The following ARMC9 variants were observed in gnomAD, a reference collection of about 807,000 sequenced individuals.
ARMC9 encodes armadillo repeat containing 9.
Under a neutral mutation model 107.0 loss-of-function variants are expected in ARMC9, and 94 were observed. The ratio of observed to expected loss-of-function variants is 0.88; its 90% CI spans 0.74 to 1.04. The LOEUF (loss-of-function observed/expected upper bound fraction) is 1.04. ARMC9 is among the 50% of genes least tolerant of loss of function. ARMC9 has a pLI of 0.00. For missense variants in ARMC9, 942 were observed against 1,030.1 expected (o/e 0.91, Z 1.17); for synonymous variants, 380 against 396.9 (o/e 0.96, Z 0.51).
At chr2:231,272,187 GTT>G (rs56201225) in intron 13 of ARMC9, among the ~76,000 whole-genome samples, 16 of 99,714 alleles carry the variant, frequency 1.6e-4, no homozygotes, top group South Asian at 1.4e-3. Context: ...TGTGTGTTTG[GTT>G]TTTTTTTTTT....
At chr2:231,302,437 GTT>G (rs56032700) in intron 19 of ARMC9, among the ~76,000 whole-genome samples, 40 of 58,094 alleles carry the variant, frequency 6.9e-4, no homozygotes, top group African/African-American at 1.9e-3. Context: ...TTGTGGGTTT[GTT>G]TTTTTTTTTT....
intron 21 of ARMC9, among the ~76,000 whole-genome samples, chr2:231,354,240 T>C (rs2045235779): frequency 7.7e-6 from 1 of 129,778 alleles, no homozygotes; most frequent in African/African-American, 3.2e-5. Context: ...ACCAGCCAAG[T>C]CAACACAGAC....
At chr2:231,204,488 A>G (rs1375696352) in intron 1 of ARMC9, among the ~76,000 whole-genome samples, 1 of 152,050 alleles carries the variant, frequency 6.6e-6, no homozygotes, top group Non-Finnish European at 1.5e-5. Flanking sequence ...TCTATCTAAA[A>G]TAACCCCATA....
intron 6 of ARMC9, among the ~76,000 whole-genome samples, chr2:231,224,352 A>T (rs1419080417): frequency 6.6e-6 from 1 of 152,166 alleles, no homozygotes; most frequent in Non-Finnish European, 1.5e-5. Context: ...TCTGGGGGAG[A>T]CAGGTGGGCG....
chr2:231,251,873 G>A (rs1625274), intron 9 of ARMC9, among the ~76,000 whole-genome samples: 35,124 of 151,748 alleles, frequency 0.23, 4,986 homozygotes, highest in Admixed American at 0.36. Context: ...CTACAGGTGT[G>A]CACCACCACA....
chr2:231,268,533 GT>G (rs2039042872), intron 12 of ARMC9, among the ~76,000 whole-genome samples: 2 of 151,904 alleles, frequency 1.3e-5, no homozygotes, highest in African/African-American at 4.8e-5. Flanking sequence ...TTGGATCTCT[GT>G]TTCCAGTGTC....
At chr2:231,251,802 T>C (rs541240120) in intron 9 of ARMC9, among the ~76,000 whole-genome samples, 2 of 152,202 alleles carry the variant, frequency 1.3e-5, no homozygotes, top group Admixed American at 6.5e-5. Flanking sequence ...CATAGCTCAC[T>C]GCAGCCTCAA....
At chr2:231,250,889 T>C (rs1418820170) in intron 9 of ARMC9, among the ~76,000 whole-genome samples, 1 of 152,176 alleles carries the variant, frequency 6.6e-6, no homozygotes, top group African/African-American at 2.4e-5. Flanking sequence ...TCCCTGTGTT[T>C]GCTGATCTGA....
intron 5 of ARMC9, among the ~76,000 whole-genome samples, chr2:231,218,294 TAAG>T (rs1305431546): frequency 3.3e-5 from 5 of 152,164 alleles, no homozygotes; most frequent in Admixed American, 2.6e-4. Flanking sequence ...AAAAAGTGGT[TAAG>T]AAGGTGATTA....
intron 19 of ARMC9, among the ~76,000 whole-genome samples, chr2:231,325,696 A>G (rs1272032161): frequency 6.6e-6 from 1 of 152,194 alleles, no homozygotes; most frequent in African/African-American, 2.4e-5. Context: ...CCCTTTGATC[A>G]CTGAGATGTT....
In ARMC9 at chr2:231,288,225, A is replaced by G. The variant is rs1574958754; in HGVS notation, c.1627-3128A>G. On this transcript the variant is annotated intron_variant, in intron 17 of 24. Coordinates refer to ENST00000611582, the MANE Select transcript of ARMC9 (RefSeq NM_001352754.2). Reference sequence around the variant, plus strand: ...GTTTATAAGATTTTTATTGAACATGAAAATGATCATAAAGTTAAATAAGAA... The same window carrying G: ...GTTTATAAGATTTTTATTGAACATGGAAATGATCATAAAGTTAAATAAGAA... Among the ~76,000 whole-genome samples, 3 of 152,342 alleles carry G rather than the reference A, an allele frequency of 2.0e-5. No homozygotes were observed. In the East Asian group the frequency reaches 5.8e-4, roughly 29 times the overall value.
chr2:231,331,716 T>G (rs2043749679), intron 19 of ARMC9, 77 bp from the exon 20 acceptor site: 23 of 1,284,658 alleles, frequency 1.8e-5, no homozygotes, highest in Non-Finnish European at 2.6e-5. Flanking sequence ...TCATGACAGC[T>G]ACACATTCTG....
At position 231,375,783 on chromosome 2, in the gene ARMC9, TG is replaced by T. The variant is rs1471856282; in HGVS notation, c.*4253del. On this transcript the variant is annotated 3_prime_UTR_variant, in exon 25 of 25. Coordinates refer to ENST00000611582, the MANE Select transcript of ARMC9 (RefSeq NM_001352754.2). This position sits in a 1 kb window ranked among gnomAD's most constrained non-coding sequence, Gnocchi z 4.3. Reference sequence around the variant, plus strand: ...TCATCTTAAGGTGTCTACTAAAGCCTGGGGGTGGATGGGATCTCAGAAGGGG... The same window carrying T: ...TCATCTTAAGGTGTCTACTAAAGCCTGGGGTGGATGGGATCTCAGAAGGGG... 2.6e-5 allele frequency among the ~76,000 whole-genome samples: 4 copies of T among 151,882 alleles called. No homozygotes were observed. Among genetic ancestry groups the T allele is most frequent in the Admixed American group, 6.6e-5 (1 of 15,250 alleles).
chr2:231,234,932 A>G (rs113323239), intron 7 of ARMC9, among the ~76,000 whole-genome samples: 4,472 of 152,046 alleles, frequency 0.029, 238 homozygotes, highest in African/African-American at 0.1. Flanking sequence ...TAGACCTAGA[A>G]GAACTAAAAG....
chr2:231,213,164 CTT>C (rs72180870), intron 3 of ARMC9, among the ~76,000 whole-genome samples: 2 of 137,648 alleles, frequency 1.5e-5, no homozygotes. Context: ...AACGTTTTTT[CTT>C]TTTTTTTTTT....
chr2:231,217,041 G>A (rs544076111), intron 5 of ARMC9, among the ~76,000 whole-genome samples: 1 of 152,264 alleles, frequency 6.6e-6, no homozygotes, highest in South Asian at 2.1e-4. Flanking sequence ...AAGAGTTATA[G>A]TAATTAACAC....
At chr2:231,227,824 C>T (rs1267214278) in intron 7 of ARMC9, among the ~76,000 whole-genome samples, 2 of 152,186 alleles carry the variant, frequency 1.3e-5, no homozygotes, top group African/African-American at 2.4e-5. Context: ...CCTCAAGCAT[C>T]CCCAGCTCAG....
chr2:231,210,464 A>C (rs562398687), intron 3 of ARMC9, among the ~76,000 whole-genome samples: 1 of 152,356 alleles, frequency 6.6e-6, no homozygotes, highest in Non-Finnish European at 1.5e-5. Context: ...CCTTTACCCT[A>C]CACGTTGGAA....
intron 14 of ARMC9, among the ~76,000 whole-genome samples, chr2:231,275,175 T>C (rs1452823237): frequency 6.6e-6 from 1 of 152,260 alleles, no homozygotes; most frequent in African/African-American, 2.4e-5. Context: ...AGAAGGTAGC[T>C]AGTTACCAAG....
Sources: gnomAD v4.1 joint callset for allele counts (sites outside exome capture counted in the v4.1 genomes callset) on GRCh38, gnomAD v4.1.1 for gene constraint, Gnocchi (gnomAD v3.1) non-coding constraint, MANE v1.5 for transcripts, NCBI Gene and HGNC (gene_info 2026-07-23, HGNC 2026-07-21) for gene names.